The following SUPT3H variants were observed in gnomAD, a reference collection of about 807,000 sequenced individuals.
The protein encoded by SUPT3H is SPT3 homolog, SAGA and STAGA complex component, also known as transcription initiation protein SPT3 homolog.
SUPT3H carries 44 observed loss-of-function variants against 44.3 expected under a neutral mutation model. The observed-to-expected ratio is 0.99, with a 90% CI of 0.78 to 1.28. The LOEUF is 1.28. Among genes scored for constraint, SUPT3H ranks in the 50% most tolerant of loss-of-function variants. SUPT3H has a pLI of 0.00. For synonymous variants in SUPT3H, 124 were observed against 125.6 expected, an observed-to-expected ratio of 0.99 and a Z score of 0.09; for missense variants, 380 against 387.1, an observed-to-expected ratio of 0.98 and a Z score of 0.15.
At chr6:44,971,392 A>C (rs1777546298) in intron 6 of SUPT3H, among the ~76,000 whole-genome samples, 1 of 152,126 alleles carries the variant, frequency 6.6e-6, no homozygotes, top group African/African-American at 2.4e-5. Flanking sequence ...ACTGACTCAC[A>C]TTTCCACAGA....
rs113518800 is a variant in SUPT3H, at chr6:45,184,437, C to T, written c.102-78431G>A. Among the ~76,000 whole-genome samples the T allele has an allele frequency of 5.0e-3, 756 of 152,122 alleles. 9 individuals are homozygous for T. Among genetic ancestry groups the T allele is most frequent in the African/African-American group, 0.017 (725 of 41,494 alleles). On this transcript the variant is annotated intron_variant, in intron 2 of 10. Coordinates refer to ENST00000371459, the MANE Select transcript of SUPT3H (RefSeq NM_003599.4). ...AAAATCTTCATGGAAAAAATTCTCA[C>T]CAAATATTACTCCACTATAATAATG...
intron 10 of SUPT3H, among the ~76,000 whole-genome samples, chr6:44,922,251 T>C (rs931693516): frequency 6.6e-6 from 1 of 152,262 alleles, no homozygotes; most frequent in African/African-American, 2.4e-5. Context: ...CAAGGCATAA[T>C]TATTTTTTTC....
chr6:44,964,950 C>T (rs532423523), intron 6 of SUPT3H, among the ~76,000 whole-genome samples: 1 of 152,288 alleles, frequency 6.6e-6, no homozygotes, highest in East Asian at 1.9e-4. Flanking sequence ...AATTCAAGCT[C>T]AGGACTCCCA....
At chr6:45,346,939 A>C (rs1791002972) in intron 2 of SUPT3H, among the ~76,000 whole-genome samples, 2 of 152,204 alleles carry the variant, frequency 1.3e-5, no homozygotes, top group Non-Finnish European at 2.9e-5. Context: ...GTGCCTAAAC[A>C]AAAAGTAGGA....
intron 2 of SUPT3H, among the ~76,000 whole-genome samples, chr6:45,194,905 T>G (rs1170570524): frequency 6.6e-6 from 1 of 152,200 alleles, no homozygotes; most frequent in Non-Finnish European, 1.5e-5. Context: ...GACAAATTTA[T>G]CTGTTTCTAG....
chr6:45,103,755 A>T (rs1798908367), intron 3 of SUPT3H, among the ~76,000 whole-genome samples: 1 of 152,194 alleles, frequency 6.6e-6, no homozygotes. Context: ...GTGTTCAACA[A>T]GAAAATAACG....
intron 2 of SUPT3H, among the ~76,000 whole-genome samples, chr6:45,244,978 C>T (rs1267945799): frequency 6.6e-6 from 1 of 152,020 alleles, no homozygotes; most frequent in Non-Finnish European, 1.5e-5. Context: ...TATGAATGCA[C>T]CTAAAATTCC....
chr6:45,234,307 G>A (rs1387948673), intron 2 of SUPT3H, among the ~76,000 whole-genome samples: 2 of 152,106 alleles, frequency 1.3e-5, no homozygotes, highest in Admixed American at 6.5e-5. Flanking sequence ...GAGGTGGGCA[G>A]ATTGTCTGAG....
intron 3 of SUPT3H, among the ~76,000 whole-genome samples, chr6:45,041,773 C>A (rs1174343541): frequency 6.6e-6 from 1 of 152,038 alleles, no homozygotes. Context: ...TGTCTCCTAC[C>A]AATAGGATAT....
At chr6:45,198,371 T>C (rs190287920) in intron 2 of SUPT3H, among the ~76,000 whole-genome samples, 5 of 151,526 alleles carry the variant, frequency 3.3e-5, no homozygotes, top group Admixed American at 2.0e-4. Context: ...ATGGAAATAC[T>C]GAATTAAACA....
chr6:44,823,845 C>A (rs992861690), downstream of SUPT3H, among the ~76,000 whole-genome samples: 1 of 152,182 alleles, frequency 6.6e-6, no homozygotes, highest in Non-Finnish European at 1.5e-5. Flanking sequence ...CGCCTGTAAT[C>A]CCAGCTACTC....
chr6:45,277,466 T>G (rs553577538), intron 2 of SUPT3H, among the ~76,000 whole-genome samples: 2 of 152,164 alleles, frequency 1.3e-5, no homozygotes, highest in African/African-American at 4.8e-5. Context: ...ATCAGTGGGA[T>G]GGATACAATC....
chr6:45,288,978 T>C (rs1021277067), intron 2 of SUPT3H, among the ~76,000 whole-genome samples: 7 of 152,048 alleles, frequency 4.6e-5, no homozygotes, highest in African/African-American at 1.4e-4. Flanking sequence ...CATTATACAG[T>C]GTCCTCTAAT....
chr6:45,210,141 G>A (rs1763854499), intron 2 of SUPT3H, among the ~76,000 whole-genome samples: 1 of 151,820 alleles, frequency 6.6e-6, no homozygotes, highest in South Asian at 2.1e-4. Flanking sequence ...AATAAATCTC[G>A]GGACCCCAAA....
chr6:45,037,343 CATA>C (rs1787821631), intron 3 of SUPT3H, among the ~76,000 whole-genome samples: 1 of 151,480 alleles, frequency 6.6e-6, no homozygotes, highest in African/African-American at 2.4e-5. Context: ...AGTAGATGAA[CATA>C]ATGATAAGAT....
At chr6:44,865,639 C>T (rs570396291) in intron 10 of SUPT3H, among the ~76,000 whole-genome samples, 188 of 152,316 alleles carry the variant, frequency 1.2e-3, no homozygotes, top group African/African-American at 4.1e-3. Context: ...TTCACTATCA[C>T]AAGAACAGTA....
At chr6:44,942,502 C>T (rs927905810) in intron 9 of SUPT3H, among the ~76,000 whole-genome samples, 1 of 152,198 alleles carries the variant, frequency 6.6e-6, no homozygotes, top group African/African-American at 2.4e-5. Flanking sequence ...AGAGTTCGCG[C>T]AATCACAGTA....
rs142757670 is a variant in SUPT3H, at chr6:44,965,433, T to C, written c.505-3605A>G. ...TAATGTCCTTGAATATTATATGATA[T>C]AACACATGAATGGTATTCACAGCAT... On this transcript the variant is annotated intron_variant, in intron 6 of 10. Coordinates refer to ENST00000371459, the MANE Select transcript of SUPT3H (RefSeq NM_003599.4). Among the ~76,000 whole-genome samples the C allele has an allele frequency of 2.6e-4, 40 of 152,336 alleles. No individual in the cohort carries two copies. In the East Asian group the frequency reaches 7.3e-3, roughly 28 times the overall value.
intron 3 of SUPT3H, among the ~76,000 whole-genome samples, chr6:45,078,526 C>T (rs1406758729): frequency 6.6e-6 from 1 of 152,140 alleles, no homozygotes; most frequent in African/African-American, 2.4e-5. Context: ...CACATGTTTT[C>T]ATTACAATGA....
Sources: allele counts gnomAD v4.1 joint callset (sites outside exome capture counted in the v4.1 genomes callset), GRCh38; gene constraint gnomAD v4.1.1; transcripts MANE v1.5; gene names NCBI Gene and HGNC (gene_info 2026-07-23, HGNC 2026-07-21).